INTS3: variants seen among roughly 807,000 people sequenced by gnomAD.
INTS3 encodes the protein integrator complex subunit 3.
In INTS3, 34 loss-of-function variants were observed where a neutral mutation model predicts 146.3. The ratio of observed to expected loss-of-function variants is 0.23; its 90% confidence interval spans 0.18 to 0.31. INTS3 has a LOEUF of 0.31. Ranked by LOEUF, INTS3 falls within the 10% of genes least tolerant of loss-of-function variation. The pLI is 1.00. For synonymous variants in INTS3, 475 were observed against 494.9 expected (o/e 0.96, Z 0.53); for missense variants, 757 against 1,304.2 (o/e 0.58, Z 6.46).
Position 153,728,512 on chromosome 1 carries a change from C to T in INTS3, c.-123C>T. ...AGGGAGGAGTGGAGAGGACAGGGGC[C>T]CTTGCTCTCCCCTCCCCAACTTGTT... On this transcript the variant is annotated 5_prime_UTR_variant, in exon 1 of 30. Transcript: ENST00000318967. The T allele has an allele frequency of 2.4e-6, 3 of 1,232,930 alleles. No homozygotes were observed. Among genetic ancestry groups the T allele is most frequent in the Non-Finnish European group, 3.4e-6 (3 of 892,546 alleles). The allele number at this position is 1,232,930 out of a possible 1,614,324, so 76.4% of individuals were successfully genotyped here. A position where few individuals can be genotyped will look rare whatever the true frequency, so the allele number is the denominator to read the frequency against.
intron 20 of INTS3, chr1:153,767,250 C>G (rs910563108): frequency 6.2e-6 from 1 of 161,600 alleles, no homozygotes; most frequent in African/African-American, 2.4e-5. Context: ...GTTTTCTCTT[C>G]TACAAGTTGT....
chr1:153,772,684 C>T lies in INTS3; in HGVS notation c.2867C>T (p.Ala956Val), dbSNP rs767383920. ...PILQALQHVQ[A>V]SCDEAHKMKF... ...CTCCAGGCGCTGCAGCATGTCCAAGCGAGCTGTGACGAAGCCCACAAGATG... is the reference window on the plus strand; with the variant it reads ...CTCCAGGCGCTGCAGCATGTCCAAGTGAGCTGTGACGAAGCCCACAAGATG... Residue 956 changes from alanine (A) to valine (V), a missense_variant, in exon 28 of 30, where the codon GCG (alanine) becomes GTG (valine). This residue lies in a region of INTS3 where 125 missense variants were observed against 165.6 expected (regional missense o/e 0.75). Transcript: ENST00000318967. The surrounding 1 kb of genome is among the most constrained non-coding windows in gnomAD (Gnocchi z 4.6). 2.0e-5 allele frequency: 32 copies of T among 1,613,992 alleles called. No individual in the cohort carries two copies. The highest frequency in any genetic ancestry group is 1.1e-4 in the East Asian group (5 of 44,898).
intron 16 of INTS3, 46 bp from the exon 17 acceptor site, chr1:153,763,786 G>C (rs1279181238): frequency 6.5e-7 from 1 of 1,540,626 alleles, no homozygotes; most frequent in East Asian, 2.2e-5. Context: ...CCTGCCCTCT[G>C]CTATCATTTA....
rs939690580 is a variant in INTS3, at chr1:153,764,801, C to G, written c.1970+67C>G. On this transcript the variant is annotated intron_variant, in intron 19 of 29. Transcript: ENST00000318967. ...CTCCCTGACAGCACACACATGTGCT[C>G]CTGTCCTGGGGTAATGGGACTCGCT... 35 of 1,497,408 alleles carry G rather than the reference C, an allele frequency of 2.3e-5. No homozygotes were observed. In the Admixed American group the frequency reaches 3.2e-4, roughly 14 times the overall value. The allele number at this position is 1,497,408 out of a possible 1,614,324, so 92.8% of individuals were successfully genotyped here.
chr1:153,735,820 T>A (rs1358228010), intron 1 of INTS3, among the ~76,000 whole-genome samples: 1 of 152,166 alleles, frequency 6.6e-6, no homozygotes, highest in Non-Finnish European at 1.5e-5. Flanking sequence ...GCTCTTGGGC[T>A]CAAGTGATCC....
chr1:153,773,093 GC>G lies in INTS3; in HGVS notation c.3051+14del, dbSNP rs772770490. 6.2e-7 allele frequency: 1 copy of G among 1,614,174 alleles called. No individual in the cohort carries two copies. The highest frequency in any genetic ancestry group is 1.1e-5 in the South Asian group (1 of 91,090). ...CCAGCAGTGCTTCAGTGAGAACCCA[GC>G]CAGTGCACAGGGGGAAAAGGAGCAC... On this transcript the variant is annotated intron_variant, in intron 29 of 29. Transcript: ENST00000318967.
At chr1:153,747,147 G>C (rs1671780694) in intron 4 of INTS3, 77 bp downstream of exon 4, 1 of 1,317,794 alleles carries the variant, frequency 7.6e-7, no homozygotes, top group Non-Finnish European at 1.1e-6. Context: ...ACGGGAAAGA[G>C]GAATCAGGGC....
Position 153,773,004 on chromosome 1 carries a change from C to T in INTS3, c.2974C>T (p.Leu992=). The T allele has an allele frequency of 5.0e-6, 8 of 1,614,206 alleles. No individual in the cohort carries two copies. Among genetic ancestry groups the T allele is most frequent in the Non-Finnish European group, 5.9e-6 (7 of 1,180,040 alleles). ...ACCCAAGAGCCGGCGAAAAGCAGCT[C>T]TGTCCAGCCCTCGAAGTCGAAAGAA... ...KPPKSRRKAA[L]SSPRSRKNAT... The change falls in exon 29 of 30, where the codon CTG becomes TTG. Residue 992 remains leucine, a synonymous_variant. Transcript: ENST00000318967.
At chr1:153,732,707 G>A (rs1320707888) in intron 1 of INTS3, among the ~76,000 whole-genome samples, 5 of 150,754 alleles carry the variant, frequency 3.3e-5, no homozygotes, top group South Asian at 2.1e-4. Context: ...CTCGGCCTCC[G>A]AAAGTGCTGG....
Position 153,728,654 on chromosome 1 carries a change from A to G in INTS3, c.20A>G (p.Lys7Arg), listed in dbSNP as rs371158045. 7.5e-5 allele frequency: 120 copies of G among 1,605,640 alleles called. No individual in the cohort carries two copies. The highest frequency in any genetic ancestry group is 1.0e-4 in the Non-Finnish European group (118 of 1,177,370). MELQKG[K>R]GAAAAAAASG... ...GCAGCCATGGAGTTGCAGAAGGGAA[A>G]AGGGGCGGCAGCAGCAGCAGCTGCT... Residue 7 changes from lysine to arginine, a missense_variant, in exon 1 of 30, where the codon AAA becomes AGA. Physicochemically the swap from Lys to Arg is conservative, Grantham distance 26. Transcript: ENST00000318967.
Position 153,728,467 on chromosome 1 carries a change from G to C in INTS3, c.-168G>C. 3.8e-6 allele frequency: 3 copies of C among 781,410 alleles called. No individual in the cohort carries two copies. Among genetic ancestry groups the C allele is most frequent in the Non-Finnish European group, 2.0e-6 (1 of 502,372 alleles). 48.4% of individuals were successfully genotyped at this position (781,410 alleles called of 1,614,324 possible). ...GGACTGTGCCTTCGCCCCCAACGCA[G>C]GCGCGGCCTTTTGGAGAGGAGGGAG... is the stretch of plus-strand genomic sequence containing the variant. On this transcript the variant is annotated 5_prime_UTR_variant, in exon 1 of 30. Transcript: ENST00000318967.
At chr1:153,768,061 C>T (rs569607783) in intron 21 of INTS3, among the ~76,000 whole-genome samples, 1 of 152,316 alleles carries the variant, frequency 6.6e-6, no homozygotes, top group Admixed American at 6.5e-5. Context: ...GCGTTGGGGT[C>T]TGAGCCTATA....
At position 153,762,769 on chromosome 1, in the gene INTS3, A is replaced by G. The variant is rs1672433990; in HGVS notation, c.1558A>G (p.Met520Val). ...AGTTTCCATGGAGATGGACAACCAT[A>G]TGTCGGATAAGGATGAGAGTTGCTA... ...EPVSMEMDNH[M>V]SDKDESCYDN... The change falls in exon 15 of 30, where the codon ATG becomes GTG. Residue 520 changes from methionine to valine, a missense_variant. By Grantham distance (21) the Met-to-Val change is conservative. Coordinates refer to ENST00000318967, the MANE Select transcript of INTS3 (RefSeq NM_023015.5). 2 of 1,614,020 alleles carry G rather than the reference A, an allele frequency of 1.2e-6. No homozygotes were observed. The highest frequency in any genetic ancestry group is 2.7e-5 in the African/African-American group (2 of 74,924).
Position 153,752,264 on chromosome 1 carries a change from C to G in INTS3, c.730-15C>G, listed in dbSNP as rs778257217. Reference sequence around the variant, plus strand: ...TATTCTCTTTCCTGTCCCCCACTTCCTCTTCCCTATCAAGTTCATGGAATG... The same window carrying G: ...TATTCTCTTTCCTGTCCCCCACTTCGTCTTCCCTATCAAGTTCATGGAATG... On this transcript the variant is annotated splice_polypyrimidine_tract_variant and intron_variant, in intron 7 of 29. Coordinates refer to ENST00000318967, the MANE Select transcript of INTS3 (RefSeq NM_023015.5). 2.9e-5 allele frequency: 46 copies of G among 1,612,502 alleles called. No homozygotes were observed. In the South Asian group the frequency reaches 4.9e-4, roughly 17 times the overall value.
At chr1:153,751,414 A>G (rs531267519) in intron 7 of INTS3, among the ~76,000 whole-genome samples, 175 bp downstream of exon 7, 2 of 152,272 alleles carry the variant, frequency 1.3e-5, no homozygotes, top group East Asian at 1.9e-4. Flanking sequence ...TTAGTGTAAA[A>G]TAGCCCTAAT....
In INTS3 at chr1:153,734,209, T is replaced by C. The variant is rs146596698; in HGVS notation, c.150+5425T>C. 1.7e-3 allele frequency among the ~76,000 whole-genome samples: 259 copies of C among 152,306 alleles called. 3 individuals carry two copies. The highest frequency in any genetic ancestry group is 6.0e-3 in the African/African-American group (250 of 41,578). Reference sequence around the variant, plus strand: ...CATTCTGCCAGCAGTTGTTGGCATCTGAACCTATGATTCTATCTTTACTAA... The same window carrying C: ...CATTCTGCCAGCAGTTGTTGGCATCCGAACCTATGATTCTATCTTTACTAA... On this transcript the variant is annotated intron_variant, in intron 1 of 29. Coordinates refer to ENST00000318967, the MANE Select transcript of INTS3 (RefSeq NM_023015.5).
chr1:153,754,829 C>A, intron 9 of INTS3, 90 bp downstream of exon 9: 1 of 843,690 alleles, frequency 1.2e-6, no homozygotes, highest in Non-Finnish European at 2.1e-6. Context: ...TGTTTACTAA[C>A]CAGTAGAATG....
Position 153,729,090 on chromosome 1 carries a change from CA to C in INTS3, c.150+307del, listed in dbSNP as rs1355409156. Among the ~76,000 whole-genome samples the C allele has an allele frequency of 2.0e-5, 3 of 152,126 alleles. No individual in the cohort carries two copies. The East Asian group carries it at 5.8e-4, about 29-fold the overall frequency. On this transcript the variant is annotated intron_variant, in intron 1 of 29. Coordinates refer to ENST00000318967, the MANE Select transcript of INTS3 (RefSeq NM_023015.5). ...GACATTCCTTTCGACATACACACCC[CA>C]GCTATTTTTACTATCAACCCTGTTT...
intron 10 of INTS3, among the ~76,000 whole-genome samples, chr1:153,758,066 A>G (rs761782819): frequency 5.9e-5 from 9 of 152,160 alleles, no homozygotes; most frequent in Non-Finnish European, 1.3e-4. Flanking sequence ...ATATACAGCT[A>G]TTCCTCTTAA....
Sources: gnomAD v4.1 joint callset for allele counts (sites outside exome capture counted in the v4.1 genomes callset) on GRCh38, gnomAD v4.1.1 for gene constraint, gnomAD v4.1.1 regional missense constraint, Gnocchi (gnomAD v3.1) non-coding constraint, MANE v1.5 for transcripts, NCBI Gene and HGNC (gene_info 2026-07-23, HGNC 2026-07-21) for gene names.